Variants in TAFA2 observed in about 807,000 individuals in gnomAD.
The protein encoded by TAFA2 is TAFA chemokine like family member 2.
TAFA2 carries 7 observed loss-of-function variants against 18.8 expected under a neutral mutation model. The observed-to-expected ratio is 0.37, with a 90% confidence interval of 0.21 to 0.70. The LOEUF (loss-of-function observed/expected upper bound fraction) is 0.70, where lower values mean the gene tolerates loss of function less well. Ranked by LOEUF, TAFA2 falls within the 30% of genes least tolerant of loss-of-function variation. TAFA2 has a pLI of 0.53. For missense variants in TAFA2, 122 were observed against 158.1 expected, an observed-to-expected ratio of 0.77 and a Z score of 1.23; for synonymous variants, 60 against 54.2, an observed-to-expected ratio of 1.11 and a Z score of -0.47.
intron 1 of TAFA2, among the ~76,000 whole-genome samples, chr12:62,146,249 G>T (rs1489205171): frequency 6.7e-6 from 1 of 148,902 alleles, no homozygotes; most frequent in African/African-American, 2.5e-5. Flanking sequence ...CCCTCCTAAG[G>T]TTGCTTTGCC....
chr12:62,052,759 GAGATTCTT>G (rs1029164129), intron 1 of TAFA2, among the ~76,000 whole-genome samples: 49 of 151,814 alleles, frequency 3.2e-4, no homozygotes, highest in Non-Finnish European at 5.9e-5. Flanking sequence ...TAGAATCTAA[GAGATTCTT>G]AGATTTGTGG....
At chr12:62,068,561 A>G (rs1255168702) in intron 1 of TAFA2, among the ~76,000 whole-genome samples, 2 of 152,162 alleles carry the variant, frequency 1.3e-5, no homozygotes, top group Non-Finnish European at 2.9e-5. Context: ...GTCTTACAAT[A>G]GTTAAGCAAG....
intron 1 of TAFA2, among the ~76,000 whole-genome samples, chr12:61,895,112 C>A (rs1203355830): frequency 6.6e-6 from 1 of 152,040 alleles, no homozygotes; most frequent in Non-Finnish European, 1.5e-5. Context: ...GGGTCTGGTA[C>A]CTAGCAGTGA....
chr12:62,257,682 G>A (rs1229127604), intron 1 of TAFA2, among the ~76,000 whole-genome samples: 1 of 152,146 alleles, frequency 6.6e-6, no homozygotes, highest in East Asian at 1.9e-4. Flanking sequence ...GTCTGAGAAG[G>A]CAATAACAAT....
intron 1 of TAFA2, among the ~76,000 whole-genome samples, chr12:62,244,751 T>C (rs1267966737): frequency 6.6e-6 from 1 of 152,120 alleles, no homozygotes; most frequent in East Asian, 1.9e-4. Flanking sequence ...TGTCAAACTT[T>C]TAAAAAATTT....
chr12:62,197,332 C>A (rs969850198), upstream of TAFA2, among the ~76,000 whole-genome samples: 7 of 152,240 alleles, frequency 4.6e-5, no homozygotes, highest in African/African-American at 7.2e-5. Flanking sequence ...AAAATAATTT[C>A]TTTAAACACT....
intron 1 of TAFA2, among the ~76,000 whole-genome samples, chr12:62,149,254 G>A (rs972018470): frequency 6.6e-6 from 1 of 152,188 alleles, no homozygotes; most frequent in Admixed American, 6.5e-5. Context: ...TAAAATCCAG[G>A]TCCTGTTCAA....
At chr12:61,923,671 T>A (rs1299314285) in intron 1 of TAFA2, among the ~76,000 whole-genome samples, 1 of 151,992 alleles carries the variant, frequency 6.6e-6, no homozygotes, top group Non-Finnish European at 1.5e-5. Context: ...AAACCCAGAA[T>A]GCCTATTCTC....
chr12:61,749,038 G>T (rs1049502242), intron 4 of TAFA2, among the ~76,000 whole-genome samples: 1 of 151,832 alleles, frequency 6.6e-6, no homozygotes, highest in Non-Finnish European at 1.5e-5. Context: ...GTCCAAGGTG[G>T]GCGGATCACT....
chr12:62,038,992 T>C (rs1000731394), intron 1 of TAFA2, among the ~76,000 whole-genome samples: 6 of 152,190 alleles, frequency 3.9e-5, no homozygotes, highest in African/African-American at 1.4e-4. Flanking sequence ...ATTGCTCCTT[T>C]GCAACATCTG....
intron 1 of TAFA2, chr12:62,252,885 C>T (rs756099632): frequency 6.6e-6 from 1 of 152,184 alleles, no homozygotes; most frequent in East Asian, 1.9e-4. Context: ...GTGGAAGCAG[C>T]TGAAGCACTA....
intron 1 of TAFA2, among the ~76,000 whole-genome samples, chr12:62,173,810 A>C (rs2062494632): frequency 6.6e-6 from 1 of 152,240 alleles, no homozygotes; most frequent in South Asian, 2.1e-4. Context: ...AAAACGGAGA[A>C]GAGTTCAGAG....
intron 1 of TAFA2, among the ~76,000 whole-genome samples, chr12:62,073,990 T>C (rs1882698184): frequency 6.6e-6 from 1 of 151,982 alleles, no homozygotes; most frequent in South Asian, 2.1e-4. Context: ...TTTGAGTCTA[T>C]GTGTGCTGAA....
intron 1 of TAFA2, among the ~76,000 whole-genome samples, chr12:62,168,716 G>C (rs2062456221): frequency 1.3e-5 from 2 of 151,932 alleles, no homozygotes; most frequent in Admixed American, 6.6e-5. Context: ...GTGCACCTGT[G>C]GTCCCAAGTA....
chr12:61,925,537 T>C (rs1176716840), intron 1 of TAFA2, among the ~76,000 whole-genome samples: 4 of 152,074 alleles, frequency 2.6e-5, no homozygotes, highest in Non-Finnish European at 4.4e-5. Flanking sequence ...TTTGAAACCA[T>C]TGAGAACAAA....
At chr12:61,744,718 C>T (rs1868618053) in intron 4 of TAFA2, among the ~76,000 whole-genome samples, 1 of 151,920 alleles carries the variant, frequency 6.6e-6, no homozygotes, top group Non-Finnish European at 1.5e-5. Context: ...CCACATCTGC[C>T]TAATTTTTGT....
At position 62,013,969 on chromosome 12, in the gene TAFA2, C is replaced by T. The variant is rs112861421; in HGVS notation, c.-1-146543G>A. ...AGAGAAATTAACTATCTTGGACCCA[C>T]TTTCCATGAATAGTGCCAGGGACAT... On this transcript the variant is annotated intron_variant, in intron 1 of 4. Coordinates refer to ENST00000416284, the MANE Select transcript of TAFA2 (RefSeq NM_178539.5). Among the ~76,000 whole-genome samples the T allele has an allele frequency of 3.2e-3, 494 of 152,294 alleles. 1 individual carries two copies. The highest frequency in any genetic ancestry group is 0.011 in the African/African-American group (468 of 41,540).
chr12:61,918,283 C>A (rs1291680574), intron 1 of TAFA2, among the ~76,000 whole-genome samples: 1 of 152,102 alleles, frequency 6.6e-6, no homozygotes, highest in East Asian at 1.9e-4. Flanking sequence ...TTCTCATTAA[C>A]CATCCCCCCT....
intron 1 of TAFA2, among the ~76,000 whole-genome samples, chr12:62,157,355 T>G (rs1180220081): frequency 6.6e-6 from 1 of 152,154 alleles, no homozygotes; most frequent in Admixed American, 6.5e-5. Flanking sequence ...CAGTGCCCTA[T>G]GAAGAAAGAA....
Sources: allele counts gnomAD v4.1 joint callset (sites outside exome capture counted in the v4.1 genomes callset), GRCh38; gene constraint gnomAD v4.1.1; transcripts MANE v1.5; gene names NCBI Gene and HGNC (gene_info 2026-07-23, HGNC 2026-07-21).